CACNA2D1: variants seen among roughly 807,000 people sequenced by gnomAD.
CACNA2D1 encodes calcium voltage-gated channel auxiliary subunit alpha2delta 1.
CACNA2D1 carries 53 observed loss-of-function variants against 171.5 expected under a neutral mutation model. The ratio of observed to expected loss-of-function variants is 0.31; its 90% CI spans 0.25 to 0.39. The LOEUF (loss-of-function observed/expected upper bound fraction) is 0.39, where lower values mean the gene tolerates loss of function less well. Ranked by LOEUF, CACNA2D1 falls within the 10% of genes least tolerant of loss-of-function variation. The probability of loss-of-function intolerance (pLI) is 1.00; values close to 1 mark genes in which losing one functional copy is unlikely to be tolerated. For missense variants in CACNA2D1, 903 were observed against 1,299.8 expected (o/e 0.69, Z 4.69); for synonymous variants, 442 against 443.1 (o/e 1.00, Z 0.03).
intron 3 of CACNA2D1, among the ~76,000 whole-genome samples, chr7:82,234,533 A>G (rs111416016): frequency 3.3e-5 from 5 of 152,202 alleles, no homozygotes; most frequent in African/African-American, 1.2e-4. Flanking sequence ...TGCCTCTGTA[A>G]CAATTTTATG....
Position 82,387,265 on chromosome 7 carries a change from T to C in CACNA2D1, c.96-37616A>G, listed in dbSNP as rs139838938. Reference sequence around the variant, plus strand: ...AGGCAGAAATATGTTGTGATGTATCTCTTGGAAATAAGTAAGTGTGGCTCT... The same window carrying C: ...AGGCAGAAATATGTTGTGATGTATCCCTTGGAAATAAGTAAGTGTGGCTCT... On this transcript the variant is annotated intron_variant, in intron 1 of 38. Transcript: ENST00000356860. Among the ~76,000 whole-genome samples the C allele has an allele frequency of 1.0e-3, 159 of 152,306 alleles. 1 individual carries two copies. Among genetic ancestry groups the C allele is most frequent in the Non-Finnish European group, 1.7e-3 (117 of 68,028 alleles).
At chr7:82,291,478 A>G (rs1438068749) in intron 3 of CACNA2D1, among the ~76,000 whole-genome samples, 1 of 134,204 alleles carries the variant, frequency 7.5e-6, no homozygotes, top group African/African-American at 2.7e-5. Context: ...AATATATAAA[A>G]ATATATTATA....
At chr7:82,165,478 T>C (rs770241714) in intron 4 of CACNA2D1, among the ~76,000 whole-genome samples, 8 of 152,074 alleles carry the variant, frequency 5.3e-5, no homozygotes, top group Non-Finnish European at 1.2e-4. Flanking sequence ...TTTTGCTTCT[T>C]TTCAATATAA....
chr7:82,097,206 G>A lies in CACNA2D1; in HGVS notation c.527-12306C>T, dbSNP rs1455721127. The stretch of plus-strand genomic sequence containing the variant: ...TGTTCAAAACAGCTGAATGGATGAG[G>A]AATGTGGGGCAATTGCAGGGATGTT... On this transcript the variant is annotated intron_variant, in intron 6 of 38. Transcript: ENST00000356860. Among the ~76,000 whole-genome samples, 4 of 152,250 alleles carry A rather than the reference G, an allele frequency of 2.6e-5. No homozygotes were observed. In the East Asian group the frequency reaches 7.7e-4, roughly 29 times the overall value.
intron 6 of CACNA2D1, among the ~76,000 whole-genome samples, chr7:82,112,283 T>G (rs1419312581): frequency 1.3e-5 from 2 of 152,164 alleles, no homozygotes; most frequent in East Asian, 3.8e-4. Flanking sequence ...TATTTTAAAG[T>G]TGCTCTCACG....
chr7:82,313,265 A>C (rs1814698530), intron 3 of CACNA2D1, among the ~76,000 whole-genome samples: 1 of 152,200 alleles, frequency 6.6e-6, no homozygotes, highest in Non-Finnish European at 1.5e-5. Flanking sequence ...GGGAGACTAA[A>C]GGAAACCAAA....
intron 3 of CACNA2D1, among the ~76,000 whole-genome samples, chr7:82,297,993 T>TC (rs749152194): frequency 7.2e-5 from 11 of 152,222 alleles, no homozygotes; most frequent in Non-Finnish European, 1.2e-4. Context: ...TAAAAACCTT[T>TC]CCTCATTAAA....
Position 82,378,395 on chromosome 7 carries a change from T to C in CACNA2D1, c.96-28746A>G, listed in dbSNP as rs552680475. ...GCCTGGGTGGCAGAGCAAGACCCTATCTCTGAAAATAAATAAATAAATAAA... is the reference window on the plus strand; with the variant it reads ...GCCTGGGTGGCAGAGCAAGACCCTACCTCTGAAAATAAATAAATAAATAAA... On this transcript the variant is annotated intron_variant, in intron 1 of 38. Coordinates refer to ENST00000356860, the MANE Select transcript of CACNA2D1 (RefSeq NM_000722.4). Among the ~76,000 whole-genome samples the C allele has an allele frequency of 3.3e-5, 5 of 152,248 alleles. No homozygotes were observed. The East Asian group carries it at 7.7e-4, about 24-fold the overall frequency.
intron 38 of CACNA2D1, among the ~76,000 whole-genome samples, chr7:81,955,772 AAC>A (rs1024601205): frequency 1.3e-5 from 2 of 151,606 alleles, no homozygotes; most frequent in South Asian, 2.1e-4. Context: ...ATTTTATGCA[AAC>A]ACAATTTATA....
chr7:82,244,398 T>A (rs571984672), intron 3 of CACNA2D1, among the ~76,000 whole-genome samples: 1 of 152,088 alleles, frequency 6.6e-6, no homozygotes, highest in Non-Finnish European at 1.5e-5. Context: ...ATCTAAAATA[T>A]TAATCATATT....
intron 31 of CACNA2D1, 133 bp downstream of exon 31, chr7:81,967,036 T>G (rs535053614): frequency 4.6e-6 from 3 of 650,284 alleles, no homozygotes; most frequent in Middle Eastern, 3.8e-4. Flanking sequence ...AATGAATATA[T>G]TATTTCACAT....
At chr7:82,210,640 C>A (rs755771449) in intron 3 of CACNA2D1, among the ~76,000 whole-genome samples, 11 of 152,112 alleles carry the variant, frequency 7.2e-5, no homozygotes, top group Non-Finnish European at 1.3e-4. Context: ...TGGATTTTTG[C>A]AGAAGTGTCT....
chr7:82,193,326 T>A (rs540428092), intron 3 of CACNA2D1, among the ~76,000 whole-genome samples: 46 of 152,078 alleles, frequency 3.0e-4, no homozygotes, highest in African/African-American at 1.1e-3. Context: ...CAATAAAAAA[T>A]TAATAGCTTC....
At chr7:82,372,550 GA>G (rs1822528920) in intron 1 of CACNA2D1, among the ~76,000 whole-genome samples, 2 of 121,628 alleles carry the variant, frequency 1.6e-5, no homozygotes, top group African/African-American at 5.5e-5. Flanking sequence ...AAAGAAAGCA[GA>G]AATAAATTCA....
At chr7:82,131,402 C>T (rs258700) in intron 5 of CACNA2D1, among the ~76,000 whole-genome samples, 41,925 of 152,032 alleles carry the variant, frequency 0.28, 5,931 homozygotes, top group East Asian at 0.43. Context: ...GCTGTTTCTA[C>T]ACATCACTTC....
chr7:82,441,449 G>C (rs1462476094), intron 1 of CACNA2D1, among the ~76,000 whole-genome samples: 2 of 151,878 alleles, frequency 1.3e-5, no homozygotes, highest in African/African-American at 2.4e-5. Context: ...AAAAATTTCA[G>C]ATCCTTCCAA....
chr7:82,117,422 C>G (rs1223689734), intron 5 of CACNA2D1, among the ~76,000 whole-genome samples: 1 of 152,076 alleles, frequency 6.6e-6, no homozygotes, highest in Non-Finnish European at 1.5e-5. Flanking sequence ...TGGAGTCATT[C>G]AGGATCATCT....
chr7:82,138,714 G>A (rs969461174), intron 4 of CACNA2D1, among the ~76,000 whole-genome samples: 1 of 151,940 alleles, frequency 6.6e-6, no homozygotes. Context: ...CCAAAGTGCT[G>A]GGATTACAGG....
intron 1 of CACNA2D1, among the ~76,000 whole-genome samples, chr7:82,412,641 T>A (rs961957454): frequency 6.6e-6 from 1 of 151,906 alleles, no homozygotes; most frequent in East Asian, 2.0e-4. Flanking sequence ...AATGTGGAAA[T>A]CATTTGTTAG....
Sources: gnomAD v4.1 joint callset for allele counts (sites outside exome capture counted in the v4.1 genomes callset) on GRCh38, gnomAD v4.1.1 for gene constraint, MANE v1.5 for transcripts, NCBI Gene and HGNC (gene_info 2026-07-23, HGNC 2026-07-21) for gene names.